The following PHACTR3 variants were observed in gnomAD, a reference collection of about 807,000 sequenced individuals.
PHACTR3 encodes phosphatase and actin regulator 3.
A neutral mutation model predicts 66.8 loss-of-function variants in PHACTR3; 16 were observed. The observed-to-expected ratio is 0.24, with a 90% confidence interval of 0.16 to 0.36. The LOEUF is 0.36. Among genes scored for constraint, PHACTR3 ranks in the 10% least tolerant of loss-of-function variants. The pLI, the probability that PHACTR3 is intolerant of heterozygous loss-of-function variation, is 1.00. For synonymous variants in PHACTR3, 323 were observed against 292.1 expected (o/e 1.11, Z -1.08); for missense variants, 647 against 719.9 (o/e 0.90, Z 1.16).
At position 59,808,400 on chromosome 20, in the gene PHACTR3, G is replaced by A. The variant is rs1160876730; in HGVS notation, c.1328+2206G>A. ...AACGTGTCTCGTGTGCGGTAGGAGA[G>A]GAAATTCTGATAAAGCTCAGGTGCA... On this transcript the variant is annotated intron_variant, in intron 8 of 12. Transcript: ENST00000371015. Among the ~76,000 whole-genome samples the A allele has an allele frequency of 2.0e-5, 3 of 152,340 alleles. No homozygotes were observed. In the East Asian group the frequency reaches 5.8e-4, roughly 29 times the overall value.
chr20:59,755,083 A>G, intron 3 of PHACTR3, 99 bp from the exon 4 acceptor site: 4 of 1,269,964 alleles, frequency 3.1e-6, no homozygotes, highest in Non-Finnish European at 4.4e-6. Flanking sequence ...GGGACCACCC[A>G]GAGCCTAGAA....
At chr20:59,630,529 C>T (rs757193177) in intron 1 of PHACTR3, among the ~76,000 whole-genome samples, 45 of 152,210 alleles carry the variant, frequency 3.0e-4, no homozygotes, top group African/African-American at 7.7e-4. Flanking sequence ...TTAAAGTAGA[C>T]GTCAAGTTTT....
At chr20:59,608,340 C>G (rs548769307) in intron 1 of PHACTR3, among the ~76,000 whole-genome samples, 1 of 152,326 alleles carries the variant, frequency 6.6e-6, no homozygotes, top group South Asian at 2.1e-4. Flanking sequence ...CCGTCTGTAT[C>G]TACACAATGT....
At chr20:59,668,419 AG>A (rs2036071414) in intron 1 of PHACTR3, among the ~76,000 whole-genome samples, 1 of 152,168 alleles carries the variant, frequency 6.6e-6, no homozygotes, top group South Asian at 2.1e-4. Flanking sequence ...CATAGGCTCC[AG>A]GCTCTTCCTC....
At chr20:59,762,937 A>C (rs372825850) in intron 4 of PHACTR3, among the ~76,000 whole-genome samples, 2 of 152,224 alleles carry the variant, frequency 1.3e-5, no homozygotes, top group East Asian at 1.9e-4. Flanking sequence ...CAAGAGAAGG[A>C]TGGCGTGGGG....
chr20:59,720,210 C>T (rs1401703013), intron 1 of PHACTR3, among the ~76,000 whole-genome samples: 1 of 152,162 alleles, frequency 6.6e-6, no homozygotes, highest in Non-Finnish European at 1.5e-5. Context: ...GAAAAGTCGC[C>T]ATTTCTTTGG....
chr20:59,623,046 G>A lies in PHACTR3; in HGVS notation c.118+17914G>A, dbSNP rs1600939871. 3.9e-5 allele frequency among the ~76,000 whole-genome samples: 5 copies of A among 129,470 alleles called. No individual in the cohort carries two copies. The South Asian group carries it at 1.3e-3, about 33-fold the overall frequency. The allele number at this position is 129,470 out of a possible 152,430, so 84.9% of individuals were successfully genotyped here. On this transcript the variant is annotated intron_variant, in intron 1 of 12. Transcript: ENST00000371015. ...CTCAGAACCATGGTTCCTGTATGAT[G>A]TATAGCTTTCAAAAACACTCCCCCA... is the stretch of plus-strand genomic sequence containing the variant.
chr20:59,842,805 T>C (rs1568878676), intron 11 of PHACTR3, among the ~76,000 whole-genome samples: 1 of 152,100 alleles, frequency 6.6e-6, no homozygotes, highest in Non-Finnish European at 1.5e-5. Flanking sequence ...GTGAACGGAG[T>C]TTGGGGAAGG....
chr20:59,776,497 A>G (rs1371947509), intron 7 of PHACTR3, among the ~76,000 whole-genome samples: 2 of 117,810 alleles, frequency 1.7e-5, no homozygotes, highest in African/African-American at 5.4e-5. Context: ...TCCTGTCCTC[A>G]CCAGCCACAC....
chr20:59,737,710 C>G (rs1305399041), intron 1 of PHACTR3, among the ~76,000 whole-genome samples: 1 of 152,158 alleles, frequency 6.6e-6, no homozygotes, highest in East Asian at 1.9e-4. Context: ...CATTGTTCAT[C>G]TCCTGCAGGT....
intron 1 of PHACTR3, 117 bp downstream of exon 1, chr20:59,605,249 C>T (rs1403829285): frequency 8.8e-6 from 6 of 679,588 alleles, no homozygotes; most frequent in East Asian, 3.5e-5. Context: ...GCGGCAGGAA[C>T]CCGCGCTCGG....
intron 1 of PHACTR3, among the ~76,000 whole-genome samples, chr20:59,717,941 A>G (rs2038154524): frequency 6.6e-6 from 1 of 152,184 alleles, no homozygotes. Context: ...ATGTCCTGGA[A>G]TGGACCTCCC....
intron 1 of PHACTR3, among the ~76,000 whole-genome samples, chr20:59,597,510 G>C (rs914185019): frequency 6.6e-6 from 1 of 152,188 alleles, no homozygotes; most frequent in South Asian, 2.1e-4. Context: ...GTGACCTGGG[G>C]CAAGTACTTA....
rs1018155973 is a variant in PHACTR3 at position 59,829,529 on chromosome 20, C to T, written c.1329-6976C>T. On this transcript the variant is annotated intron_variant, in intron 8 of 12. Coordinates refer to ENST00000371015, the MANE Select transcript of PHACTR3 (RefSeq NM_080672.5). The surrounding 1 kb of genome is among the most constrained non-coding windows in gnomAD (Gnocchi z 4.2). ...TGGTGTGCGCCTGGGGGCAAGCAGACGAGACATCTGCCCCATTCACCATCA... is the reference window on the plus strand; with the variant it reads ...TGGTGTGCGCCTGGGGGCAAGCAGATGAGACATCTGCCCCATTCACCATCA... Among the ~76,000 whole-genome samples, 3 of 152,248 alleles carry T rather than the reference C, an allele frequency of 2.0e-5. No homozygotes were observed. Among genetic ancestry groups the T allele is most frequent in the African/African-American group, 4.8e-5 (2 of 41,470 alleles).
chr20:59,831,624 AC>A (rs1174447084), intron 8 of PHACTR3, among the ~76,000 whole-genome samples: 3 of 151,288 alleles, frequency 2.0e-5, no homozygotes, highest in Admixed American at 1.3e-4. Context: ...ACCCCCACCT[AC>A]CCCGCCCCAC....
At chr20:59,641,275 A>AAACATTG (rs1291410763) in intron 1 of PHACTR3, among the ~76,000 whole-genome samples, 1 of 151,944 alleles carries the variant, frequency 6.6e-6, no homozygotes, top group Non-Finnish European at 1.5e-5. Context: ...TCATCCATTC[A>AAACATTG]TCCATTGTCT....
At chr20:59,779,650 CGTT>C (rs905332316) in intron 7 of PHACTR3, among the ~76,000 whole-genome samples, 40 of 152,364 alleles carry the variant, frequency 2.6e-4, no homozygotes, top group Non-Finnish European at 4.7e-4. Flanking sequence ...GTTTGGCAGA[CGTT>C]GTCTTATCCC....
chr20:59,763,646 G>T (rs781487015), intron 4 of PHACTR3, among the ~76,000 whole-genome samples: 13 of 152,196 alleles, frequency 8.5e-5, no homozygotes, highest in Non-Finnish European at 1.8e-4. Context: ...ACAGAGAAAT[G>T]GAATCAGTTC....
chr20:59,686,740 A>G (rs1416301541), intron 1 of PHACTR3, among the ~76,000 whole-genome samples: 2 of 87,790 alleles, frequency 2.3e-5, no homozygotes, highest in East Asian at 1.1e-3. Flanking sequence ...GATGGTGGTG[A>G]TGATGGTGAT....
Sources: gnomAD v4.1 joint callset for allele counts (sites outside exome capture counted in the v4.1 genomes callset) on GRCh38, gnomAD v4.1.1 for gene constraint, Gnocchi (gnomAD v3.1) non-coding constraint, MANE v1.5 for transcripts, NCBI Gene and HGNC (gene_info 2026-07-23, HGNC 2026-07-21) for gene names.